Variants in SAXO1 observed in about 807,000 individuals in gnomAD.
SAXO1 encodes stabilizer of axonemal microtubules 1, also known as 4930500O09Rik.
In SAXO1, 21 loss-of-function variants were observed where a neutral mutation model predicts 17.5. The observed-to-expected ratio is 1.20, with a 90% confidence interval of 0.85 to 1.72. The LOEUF (loss-of-function observed/expected upper bound fraction) is 1.72, where lower values mean the gene tolerates loss of function less well. SAXO1 is among the 40% of genes most tolerant of loss of function. The pLI is 0.00. For missense variants in SAXO1, 843 were observed against 596.0 expected (o/e 1.41, Z -4.32); for synonymous variants, 274 against 216.5 (o/e 1.27, Z -2.33).
intron 1 of SAXO1, among the ~76,000 whole-genome samples, chr9:18,991,195 T>C (rs1345299045): frequency 6.6e-6 from 1 of 151,890 alleles, no homozygotes; most frequent in Admixed American, 6.6e-5. Flanking sequence ...GAGGCAGAGG[T>C]CATAGTGAGC....
intron 1 of SAXO1, among the ~76,000 whole-genome samples, chr9:18,957,348 G>A (rs576237905): frequency 8.5e-5 from 13 of 152,238 alleles, no homozygotes; most frequent in Non-Finnish European, 1.5e-4. Flanking sequence ...CCTACAGATC[G>A]GCCAGCCCTA....
chr9:19,010,305 G>A (rs940530437), intron 1 of SAXO1, among the ~76,000 whole-genome samples: 3 of 152,090 alleles, frequency 2.0e-5, no homozygotes, highest in African/African-American at 7.2e-5. Flanking sequence ...CATGGTCATG[G>A]CCACATTTTT....
At chr9:18,929,319 G>A (rs72694514) in intron 3 of SAXO1, among the ~76,000 whole-genome samples, 27,886 of 152,124 alleles carry the variant, frequency 0.18, 2,871 homozygotes, top group African/African-American at 0.26. Context: ...GTCCATGGTC[G>A]TGAGAGGATC....
chr9:18,998,341 G>C (rs1206062691), intron 1 of SAXO1, among the ~76,000 whole-genome samples: 1 of 151,970 alleles, frequency 6.6e-6, no homozygotes, highest in Non-Finnish European at 1.5e-5. Flanking sequence ...TAGCCAATTT[G>C]ATCAAGCAGA....
intron 1 of SAXO1, among the ~76,000 whole-genome samples, chr9:18,991,118 C>G (rs979866216): frequency 9.9e-5 from 15 of 152,030 alleles, no homozygotes; most frequent in African/African-American, 2.2e-4. Context: ...ACTAGACATG[C>G]AAGGTGGTGC....
chr9:18,960,013 G>C (rs1271203650), intron 1 of SAXO1, among the ~76,000 whole-genome samples: 1 of 152,170 alleles, frequency 6.6e-6, no homozygotes, highest in Admixed American at 6.5e-5. Flanking sequence ...AGGCTGAGTG[G>C]GCACGAGGGA....
intron 1 of SAXO1, among the ~76,000 whole-genome samples, chr9:19,015,463 C>T (rs909496136): frequency 2.0e-5 from 3 of 152,202 alleles, no homozygotes; most frequent in African/African-American, 7.2e-5. Context: ...CATGCCTCCA[C>T]TTCCCAAGTA....
chr9:19,003,004 A>G (rs951573457), intron 1 of SAXO1, among the ~76,000 whole-genome samples: 1 of 152,238 alleles, frequency 6.6e-6, no homozygotes, highest in African/African-American at 2.4e-5. Flanking sequence ...CCATCATCTC[A>G]GCCCAAAATC....
At chr9:19,011,110 C>T (rs1834715085) in intron 1 of SAXO1, among the ~76,000 whole-genome samples, 1 of 152,146 alleles carries the variant, frequency 6.6e-6, no homozygotes, top group Non-Finnish European at 1.5e-5. Flanking sequence ...ATTTTAAATT[C>T]CCTAAAAAAG....
intron 1 of SAXO1, among the ~76,000 whole-genome samples, chr9:18,981,758 A>G (rs541530878): frequency 1.3e-5 from 2 of 152,140 alleles, no homozygotes; most frequent in Non-Finnish European, 2.9e-5. Context: ...CCACCTCACA[A>G]GTGAATAAAA....
chr9:19,019,953 G>T (rs1835154642), intron 1 of SAXO1, among the ~76,000 whole-genome samples: 1 of 150,830 alleles, frequency 6.6e-6, no homozygotes, highest in African/African-American at 2.4e-5. Flanking sequence ...CTGTTGTCAA[G>T]TTCAAGTTTT....
chr9:18,954,382 G>A (rs1232985478), intron 1 of SAXO1, among the ~76,000 whole-genome samples: 2 of 151,644 alleles, frequency 1.3e-5, no homozygotes, highest in Non-Finnish European at 2.9e-5. Flanking sequence ...TGTCATCCAG[G>A]CTGGAGGGCA....
At chr9:19,042,103 C>G (rs1362466165) in intron 1 of SAXO1, among the ~76,000 whole-genome samples, 1 of 63,102 alleles carries the variant, frequency 1.6e-5, no homozygotes, top group Non-Finnish European at 3.2e-5. Flanking sequence ...GGAAAAAAAT[C>G]TAATAATCTA....
intron 1 of SAXO1, among the ~76,000 whole-genome samples, chr9:18,986,958 G>A (rs1031531634): frequency 6.6e-6 from 1 of 152,208 alleles, no homozygotes; most frequent in South Asian, 2.1e-4. Flanking sequence ...AAGACTTCAT[G>A]TGGGCTAGCT....
intron 2 of SAXO1, among the ~76,000 whole-genome samples, chr9:18,944,968 G>C (rs1831727294): frequency 6.6e-6 from 1 of 152,088 alleles, no homozygotes; most frequent in African/African-American, 2.4e-5. Flanking sequence ...CTTGGCCAAA[G>C]CCAACCTCTC....
chr9:18,941,466 A>C (rs1028486960), intron 3 of SAXO1, among the ~76,000 whole-genome samples, 171 bp downstream of exon 3: 28 of 152,062 alleles, frequency 1.8e-4, no homozygotes, highest in African/African-American at 6.8e-4. Context: ...AAAATGCTTA[A>C]CTCTTCTTAG....
chr9:19,038,009 C>T (rs1372152429), upstream of SAXO1, among the ~76,000 whole-genome samples: 4 of 152,290 alleles, frequency 2.6e-5, no homozygotes, highest in East Asian at 7.7e-4. Flanking sequence ...TGAAAAAATG[C>T]TCATCATCAC....
At position 19,018,167 on chromosome 9, in the gene SAXO1, C is replaced by CAAA. The variant is rs879664616; in HGVS notation, c.38+14701_38+14703dup. Among the ~76,000 whole-genome samples, 3 of 130,914 alleles carry CAAA rather than the reference C, an allele frequency of 2.3e-5. No individual in the cohort carries two copies. In the South Asian group the frequency reaches 7.3e-4, roughly 32 times the overall value. 85.9% of individuals were successfully genotyped at this position (130,914 alleles called of 152,430 possible). A position where few individuals can be genotyped will look rare whatever the true frequency, so the allele number is the denominator to read the frequency against. On this transcript the variant is annotated intron_variant, in intron 1 of 3. Coordinates refer to ENST00000380534, the MANE Select transcript of SAXO1 (RefSeq NM_153707.4). ...GGGGCAACAGAGCAAGACCCCATCT[C>CAAA]AAAAAAAAAAAAACAAACAAACAAA...
chr9:19,040,737 G>A (rs1836059987), intron 1 of SAXO1, among the ~76,000 whole-genome samples: 1 of 152,054 alleles, frequency 6.6e-6, no homozygotes. Context: ...TTCTCAAGAA[G>A]GTAAACCTAT....
Sources: gnomAD v4.1 joint callset for allele counts (sites outside exome capture counted in the v4.1 genomes callset) on GRCh38, gnomAD v4.1.1 for gene constraint, MANE v1.5 for transcripts, NCBI Gene and HGNC (gene_info 2026-07-23, HGNC 2026-07-21) for gene names.